FALEC: variants seen among roughly 807,000 people sequenced by gnomAD.
The protein encoded by FALEC is focally amplified lncRNA regulator of ECM1, also known as focally amplified lncRNA on chromosome 1.
chr1:150,529,016 C>CAAAAAAAAAAAAAAAAAAAAAAAAAAAAA, the FALEC span, among the ~76,000 whole-genome samples: 34 of 59,286 alleles, frequency 5.7e-4, 1 homozygote, highest in Admixed American at 8.5e-4. Context: ...AAATAAATAG[C>CAAAAAAAAAAAAAAAAAAAAAAAAAAAAA]AAAAAAAAAA....
chr1:150,533,485 GAGTGCAGTGGTGCAATCTCTGCTC>G, the FALEC span, among the ~76,000 whole-genome samples: 1 of 143,152 alleles, frequency 7.0e-6, no homozygotes, highest in Admixed American at 7.3e-5. Context: ...GCCCAGGCTG[GAGTGCAGTGGTGCAATCTCTGCTC>G]ACTGCAACCT....
chr1:150,535,834 C>G, the FALEC span, among the ~76,000 whole-genome samples: 1 of 152,198 alleles, frequency 6.6e-6, no homozygotes. Context: ...TTCGGTCCAG[C>G]AACTGGAGAA....
At chr1:150,527,106 A>G in the FALEC span, among the ~76,000 whole-genome samples, 5 of 145,834 alleles carry the variant, frequency 3.4e-5, no homozygotes, top group African/African-American at 1.3e-4. Context: ...CACCCAGCTA[A>G]TTTTTTTTAT....
At chr1:150,522,244 CAAAA>C (rs60709164), downstream of FALEC, among the ~76,000 whole-genome samples, 48,792 of 119,004 alleles carry the variant, frequency 0.41, 8,512 homozygotes, top group Middle Eastern at 0.48. Flanking sequence ...GAGACTGTCT[CAAAA>C]AAAAAAAAAA....
the FALEC span, among the ~76,000 whole-genome samples, chr1:150,533,975 G>T: frequency 6.6e-6 from 1 of 152,304 alleles, no homozygotes; most frequent in Non-Finnish European, 1.5e-5. Context: ...TTAAAATCTG[G>T]CGTAAAGGAC....
the FALEC span, among the ~76,000 whole-genome samples, chr1:150,524,136 T>C: frequency 6.6e-6 from 1 of 152,182 alleles, no homozygotes; most frequent in Non-Finnish European, 1.5e-5. Context: ...GCTAGATTTG[T>C]TTTTTAATTT....
At chr1:150,522,968 TATA>T (rs1670674070), downstream of FALEC, among the ~76,000 whole-genome samples, 12 of 47,606 alleles carry the variant, frequency 2.5e-4, 2 homozygotes, top group African/African-American at 3.0e-4. Context: ...TATATATATA[TATA>T]TATATATATA....
intron 1 of FALEC, chr1:150,516,112 G>T (rs1034595760): frequency 7.9e-5 from 12 of 151,630 alleles, no homozygotes; most frequent in African/African-American, 2.9e-4. Context: ...AAATTAGCAG[G>T]GCGTGGTGGC....
chr1:150,523,738 T>C, the FALEC span, among the ~76,000 whole-genome samples: 1 of 151,870 alleles, frequency 6.6e-6, no homozygotes, highest in Admixed American at 6.6e-5. Flanking sequence ...GGCTGAATAA[T>C]GGCCCCAAAG....
At chr1:150,516,264 G>A (rs963057645) in intron 1 of FALEC, among the ~76,000 whole-genome samples, 2 of 151,968 alleles carry the variant, frequency 1.3e-5, no homozygotes, top group Non-Finnish European at 2.9e-5. Context: ...AAAAGGGAGC[G>A]GGGGGGCTTT....
chr1:150,519,460 C>T (rs587732247), downstream of FALEC, among the ~76,000 whole-genome samples: 13 of 152,240 alleles, frequency 8.5e-5, no homozygotes, highest in South Asian at 2.7e-3. Context: ...GTGGCTCATG[C>T]CTGTAATCCC....
chr1:150,522,949 GTATATATATATATA>G (rs1156284115), downstream of FALEC, among the ~76,000 whole-genome samples: 1 of 21,658 alleles, frequency 4.6e-5, no homozygotes, highest in African/African-American at 1.9e-4. Context: ...GTGTGTGTGT[GTATATATATATATA>G]TATATATATA....
the FALEC span, among the ~76,000 whole-genome samples, chr1:150,524,173 G>A: frequency 1.3e-5 from 2 of 151,930 alleles, no homozygotes; most frequent in African/African-American, 4.8e-5. Context: ...TTTTAGAGGT[G>A]GTATCTCACT....
At chr1:150,522,867 G>GTATATA (rs1397962460), downstream of FALEC, among the ~76,000 whole-genome samples, 8 of 68,126 alleles carry the variant, frequency 1.2e-4, no homozygotes, top group Non-Finnish European at 1.9e-4. Flanking sequence ...ATATATATAC[G>GTATATA]TATATATACA....
the FALEC span, among the ~76,000 whole-genome samples, chr1:150,526,577 A>G: frequency 1.5e-5 from 2 of 132,018 alleles, no homozygotes; most frequent in Non-Finnish European, 3.3e-5. Context: ...AGCAGGGACT[A>G]CAGGCACATG....
chr1:150,533,281 G>C, the FALEC span, among the ~76,000 whole-genome samples: 1 of 152,210 alleles, frequency 6.6e-6, no homozygotes, highest in Admixed American at 6.5e-5. Flanking sequence ...ACGGCCTTGA[G>C]GGGATGGAGT....
the FALEC span, among the ~76,000 whole-genome samples, chr1:150,525,081 G>T: frequency 6.6e-6 from 1 of 151,694 alleles, no homozygotes; most frequent in Non-Finnish European, 1.5e-5. Context: ...CGGATCACGA[G>T]GTCAGGAGTT....
chr1:150,535,312 C>T, the FALEC span, among the ~76,000 whole-genome samples: 1 of 152,114 alleles, frequency 6.6e-6, no homozygotes, highest in South Asian at 2.1e-4. Context: ...GGCGCAATCT[C>T]AGCTCACTGC....
the FALEC span, among the ~76,000 whole-genome samples, chr1:150,525,817 A>G: frequency 1.1e-4 from 16 of 152,096 alleles, no homozygotes; most frequent in African/African-American, 3.4e-4. Context: ...ATACCTGGCT[A>G]ATTTTGTAGA....
Sources: allele counts gnomAD v4.1 joint callset (sites outside exome capture counted in the v4.1 genomes callset), GRCh38; gene constraint gnomAD v4.1.1; transcripts MANE v1.5; gene names NCBI Gene and HGNC (gene_info 2026-07-23, HGNC 2026-07-21).